FER: variants seen among roughly 807,000 people sequenced by gnomAD.
FER encodes the protein tyrosine-protein kinase Fer.
In FER, 63 loss-of-function variants were observed where a neutral mutation model predicts 111.0. The observed-to-expected ratio is 0.57, with a 90% CI of 0.46 to 0.70. The LOEUF is 0.70. Among genes scored for constraint, FER ranks in the 30% least tolerant of loss-of-function variants. The pLI, the probability that FER is intolerant of heterozygous loss-of-function variation, is 0.00. For missense variants in FER, 914 were observed against 954.0 expected, an observed-to-expected ratio of 0.96 and a Z score of 0.55; for synonymous variants, 327 against 313.9, an observed-to-expected ratio of 1.04 and a Z score of -0.44.
At chr5:108,920,693 A>C (rs951203454) in intron 10 of FER, among the ~76,000 whole-genome samples, 10 of 152,162 alleles carry the variant, frequency 6.6e-5, no homozygotes, top group African/African-American at 2.4e-4. Context: ...CCATAAATTA[A>C]GGTCTGAACT....
chr5:108,948,009 A>G (rs2149632259), intron 11 of FER, among the ~76,000 whole-genome samples: 1 of 152,162 alleles, frequency 6.6e-6, no homozygotes, highest in African/African-American at 2.4e-5. Flanking sequence ...TCTTTTGCAT[A>G]TGGAAGCATA....
intron 5 of FER, among the ~76,000 whole-genome samples, chr5:108,863,798 A>G (rs970931738): frequency 3.3e-5 from 5 of 152,234 alleles, no homozygotes; most frequent in Non-Finnish European, 7.3e-5. Flanking sequence ...TTTATATTAC[A>G]TTTATATAAA....
intron 3 of FER, among the ~76,000 whole-genome samples, chr5:108,803,112 A>G (rs1485339173): frequency 1.3e-5 from 2 of 152,012 alleles, no homozygotes; most frequent in African/African-American, 4.8e-5. Context: ...TGAGCATTTT[A>G]TCATGTGTTT....
At chr5:109,056,080 A>G (rs1241140827) in intron 16 of FER, among the ~76,000 whole-genome samples, 1 of 152,186 alleles carries the variant, frequency 6.6e-6, no homozygotes, top group Non-Finnish European at 1.5e-5. Flanking sequence ...AAAGATAACA[A>G]ATATTGGCAG....
At chr5:108,837,120 CAG>C (rs1242095362) in intron 5 of FER, among the ~76,000 whole-genome samples, 1 of 152,176 alleles carries the variant, frequency 6.6e-6, no homozygotes, top group Admixed American at 6.5e-5. Context: ...GCTTTGGAGT[CAG>C]AGAGTCCTGG....
intron 1 of FER, among the ~76,000 whole-genome samples, chr5:108,749,516 C>G (rs979624436): frequency 6.6e-6 from 1 of 152,142 alleles, no homozygotes; most frequent in Admixed American, 6.5e-5. Flanking sequence ...GCATTCTCAA[C>G]CCCTGGTATT....
At chr5:109,140,152 TTATTA>T (rs1313157247) in intron 17 of FER, among the ~76,000 whole-genome samples, 1 of 152,194 alleles carries the variant, frequency 6.6e-6, no homozygotes, top group Non-Finnish European at 1.5e-5. Context: ...AAACATATGC[TTATTA>T]TATTAAAAAT....
intron 10 of FER, among the ~76,000 whole-genome samples, chr5:108,919,709 C>T (rs994424382): frequency 3.9e-5 from 6 of 152,082 alleles, no homozygotes; most frequent in Non-Finnish European, 8.8e-5. Context: ...TTATCAGAAT[C>T]GGTGTGGCAG....
intron 16 of FER, among the ~76,000 whole-genome samples, chr5:109,070,082 T>C (rs1013785904): frequency 3.3e-5 from 5 of 152,040 alleles, no homozygotes; most frequent in Admixed American, 3.3e-4. Flanking sequence ...TCCATTTATG[T>C]GGTTTTTTGG....
chr5:108,823,374 G>A (rs1759102549), intron 3 of FER, among the ~76,000 whole-genome samples: 1 of 152,154 alleles, frequency 6.6e-6, no homozygotes, highest in African/African-American at 2.4e-5. Context: ...TTTACATAAT[G>A]GGTGTCCTAA....
chr5:109,183,666 C>T (rs1338234075), intron 18 of FER, among the ~76,000 whole-genome samples: 3 of 152,060 alleles, frequency 2.0e-5, no homozygotes, highest in Non-Finnish European at 4.4e-5. Context: ...ATGAAAGAAA[C>T]CTCCAGTCCA....
At chr5:108,759,505 G>A (rs1751478733) in intron 1 of FER, among the ~76,000 whole-genome samples, 1 of 152,188 alleles carries the variant, frequency 6.6e-6, no homozygotes, top group African/African-American at 2.4e-5. Flanking sequence ...TCTGGTACCA[G>A]TTTCTGTCTT....
At chr5:108,929,827 G>A (rs977520400) in intron 10 of FER, among the ~76,000 whole-genome samples, 4 of 152,132 alleles carry the variant, frequency 2.6e-5, no homozygotes, top group Non-Finnish European at 2.9e-5. Context: ...GCAGAGTCTC[G>A]TAGCCTTGAG....
chr5:109,191,588 A>G lies in FER; in HGVS notation c.*4013A>G, dbSNP rs1235288377. On this transcript the variant is annotated 3_prime_UTR_variant, in exon 20 of 20. Transcript: ENST00000281092. ...AGACATGTTTTCTTTAGGTATTAAT[A>G]TCTTAATTAAATGGAATCAGATTTT... The G allele has an allele frequency of 6.6e-6, 1 of 152,164 alleles. No individual in the cohort carries two copies. The highest frequency in any genetic ancestry group is 2.4e-5 in the African/African-American group (1 of 41,462). 9.4% of individuals were successfully genotyped at this position (152,164 alleles called of 1,614,324 possible).
At chr5:109,158,414 A>C (rs1430396420) in intron 17 of FER, among the ~76,000 whole-genome samples, 3 of 152,152 alleles carry the variant, frequency 2.0e-5, no homozygotes, top group Non-Finnish European at 4.4e-5. Flanking sequence ...AAAAATAATA[A>C]AAATAAAAAT....
intron 3 of FER, among the ~76,000 whole-genome samples, chr5:108,829,841 A>G (rs1759852230): frequency 6.6e-6 from 1 of 152,156 alleles, no homozygotes; most frequent in Non-Finnish European, 1.5e-5. Context: ...GAGACATTAT[A>G]AAAAACCAAA....
At chr5:108,898,540 C>G (rs1749497084) in intron 10 of FER, among the ~76,000 whole-genome samples, 1 of 130,760 alleles carries the variant, frequency 7.6e-6, no homozygotes, top group African/African-American at 2.8e-5. Context: ...TCCCTCCCTT[C>G]CCCTCCCCTT....
chr5:109,042,785 C>A (rs1561816000), intron 14 of FER, among the ~76,000 whole-genome samples: 1 of 151,898 alleles, frequency 6.6e-6, no homozygotes. Flanking sequence ...GCGTTTTCCA[C>A]AGAGGGAAAA....
chr5:109,047,000 G>A (rs1336505615), intron 15 of FER, 104 bp from the exon 16 acceptor site: 1 of 574,488 alleles, frequency 1.7e-6, no homozygotes, highest in African/African-American at 2.0e-5. Flanking sequence ...TTTAAAAATT[G>A]AATTATGATT....
Sources: allele counts gnomAD v4.1 joint callset (sites outside exome capture counted in the v4.1 genomes callset), GRCh38; gene constraint gnomAD v4.1.1; transcripts MANE v1.5; gene names NCBI Gene and HGNC (gene_info 2026-07-23, HGNC 2026-07-21).